C21orf58: variants seen among roughly 807,000 people sequenced by gnomAD.
C21orf58 encodes the protein chromosome 21 open reading frame 58.
Under a neutral mutation model 35.8 loss-of-function variants are expected in C21orf58, and 34 were observed. That is an observed-to-expected ratio of 0.95 (90% CI 0.72 to 1.26). The LOEUF is 1.26. Among genes scored for constraint, C21orf58 ranks in the 50% most tolerant of loss-of-function variants. The pLI, the probability that C21orf58 is intolerant of heterozygous loss-of-function variation, is 0.00. For missense variants in C21orf58, 440 were observed against 414.3 expected, an observed-to-expected ratio of 1.06 and a Z score of -0.54; for synonymous variants, 191 against 175.8, an observed-to-expected ratio of 1.09 and a Z score of -0.68.
chr21:46,322,958 G>T lies in C21orf58; in HGVS notation c.-220C>A. 2.6e-6 allele frequency: 1 copy of T among 383,898 alleles called. No homozygotes were observed. Among genetic ancestry groups the T allele is most frequent in the Non-Finnish European group, 4.4e-6 (1 of 225,592 alleles). The allele number at this position is 383,898 out of a possible 1,614,324, so 23.8% of individuals were successfully genotyped here. A position where few individuals can be genotyped will look rare whatever the true frequency, so the allele number is the denominator to read the frequency against. On this transcript the variant is annotated 5_prime_UTR_variant, in exon 1 of 8. Coordinates refer to ENST00000291691, the MANE Select transcript of C21orf58 (RefSeq NM_058180.5). ...CCTCCACGACGAACCTTTTGCAAGTGAAGGCGCACGAACAGGCCCGGAGGA... is the reference window on the plus strand; with the variant it reads ...CCTCCACGACGAACCTTTTGCAAGTTAAGGCGCACGAACAGGCCCGGAGGA...
intron 1 of C21orf58, among the ~76,000 whole-genome samples, chr21:46,319,793 A>G (rs2083094979): frequency 6.6e-6 from 1 of 152,118 alleles, no homozygotes; most frequent in East Asian, 1.9e-4. Context: ...GCTACTCGGG[A>G]GGCTGAGGCA....
intron 5 of C21orf58, chr21:46,312,870 A>G (rs1203888893): frequency 2.4e-6 from 1 of 421,272 alleles, no homozygotes. Context: ...TTGGTTAATT[A>G]CTGTCCTCCA....
At chr21:46,307,767 G>T (rs898959172) in intron 6 of C21orf58, among the ~76,000 whole-genome samples, 1 of 152,156 alleles carries the variant, frequency 6.6e-6, no homozygotes, top group Non-Finnish European at 1.5e-5. Context: ...CAGCTGTCAG[G>T]TGATTCAGCC....
intron 5 of C21orf58, 87 bp from the exon 6 acceptor site, chr21:46,311,654 TCCAACCAA>T (rs772171877): frequency 6.0e-6 from 4 of 669,088 alleles, no homozygotes; most frequent in East Asian, 6.4e-5. Context: ...CACCCACCCA[TCCAACCAA>T]CCAACCAACC....
At chr21:46,305,473 G>A (rs570734790) in intron 6 of C21orf58, among the ~76,000 whole-genome samples, 94 of 151,924 alleles carry the variant, frequency 6.2e-4, no homozygotes, top group African/African-American at 2.2e-3. Flanking sequence ...GGGACCACAG[G>A]CACATGCCAC....
rs1282522018 is a variant in C21orf58 at position 46,323,821 on chromosome 21, G to T, written c.-1083C>A. 3 of 340,666 alleles carry T rather than the reference G, an allele frequency of 8.8e-6. No homozygotes were observed. Among genetic ancestry groups the T allele is most frequent in the Non-Finnish European group, 1.7e-5 (3 of 177,296 alleles). The allele number at this position is 340,666 out of a possible 1,614,324, so 21.1% of individuals were successfully genotyped here. A position where few individuals can be genotyped will look rare whatever the true frequency, so the allele number is the denominator to read the frequency against. ...GGGAGCCCGGCCCGCTGTCCTGGTGGACACAAAGCCCAGGGGCCGCCCGCG... is the reference window on the plus strand; with the variant it reads ...GGGAGCCCGGCCCGCTGTCCTGGTGTACACAAAGCCCAGGGGCCGCCCGCG... On this transcript the variant is annotated 5_prime_UTR_variant, in exon 1 of 8. Coordinates refer to ENST00000291691, the MANE Select transcript of C21orf58 (RefSeq NM_058180.5).
downstream of C21orf58, chr21:46,300,852 A>C: frequency 1.7e-6 from 2 of 1,168,452 alleles, no homozygotes; most frequent in Non-Finnish European, 2.2e-6. Flanking sequence ...AAACAACATT[A>C]AAAGAGCAAA....
At chr21:46,321,158 CAT>C (rs539295451) in intron 1 of C21orf58, among the ~76,000 whole-genome samples, 27 of 151,592 alleles carry the variant, frequency 1.8e-4, no homozygotes, top group Middle Eastern at 3.4e-3. Context: ...TAGTGTGCTA[CAT>C]ATGTTATATA....
Position 46,311,739 on chromosome 21 carries a change from C to G in C21orf58, c.610-172G>C. On this transcript the variant is annotated intron_variant, in intron 5 of 7. Coordinates refer to ENST00000291691, the MANE Select transcript of C21orf58 (RefSeq NM_058180.5). ...ACCATCCACCCATCCATCCAACCAA[C>G]CATCCACCCACTCATCCATCCACCC... is the stretch of plus-strand genomic sequence containing the variant. 8.9e-6 allele frequency: 4 copies of G among 447,560 alleles called. 1 individual carries two copies. In the South Asian group the frequency reaches 1.4e-4, roughly 16 times the overall value. The allele number at this position is 447,560 out of a possible 1,614,324, so 27.7% of individuals were successfully genotyped here.
intron 4 of C21orf58, chr21:46,315,246 C>G (rs1288183295): frequency 5.0e-6 from 3 of 595,532 alleles, no homozygotes; most frequent in Non-Finnish European, 8.9e-6. Context: ...CTCCAGGCAT[C>G]CCAGAATTTC....
chr21:46,310,546 C>T (rs762493161), intron 6 of C21orf58, among the ~76,000 whole-genome samples: 5 of 150,298 alleles, frequency 3.3e-5, no homozygotes, highest in African/African-American at 4.9e-5. Flanking sequence ...CAGTGGCAAA[C>T]GCCTATAATC....
At chr21:46,317,500 G>A (rs1184567012) in intron 2 of C21orf58, among the ~76,000 whole-genome samples, 3 of 152,230 alleles carry the variant, frequency 2.0e-5, no homozygotes, top group Admixed American at 6.5e-5. Context: ...AGGGGCGGAT[G>A]CTCTGAGTGG....
intron 6 of C21orf58, 110 bp downstream of exon 6, chr21:46,311,346 T>C: frequency 2.1e-6 from 1 of 487,058 alleles, no homozygotes; most frequent in Non-Finnish European, 3.7e-6. Flanking sequence ...ATTATTTTCA[T>C]GTTGAACAGC....
chr21:46,317,456 C>A (rs780129620), intron 2 of C21orf58, 188 bp from the exon 3 acceptor site: 13 of 921,706 alleles, frequency 1.4e-5, no homozygotes, highest in Non-Finnish European at 2.1e-5. Context: ...TAAGCCTGAC[C>A]TCTAGCAAAT....
chr21:46,302,596 G>A lies in C21orf58; in HGVS notation c.722-20C>T, dbSNP rs370541269. On this transcript the variant is annotated intron_variant, in intron 6 of 7. Coordinates refer to ENST00000291691, the MANE Select transcript of C21orf58 (RefSeq NM_058180.5). ...CCATGTCTGCAGGGAAGAAGCAGGG[G>A]GACCCTGAATAAAGTTTCCGTTTTT... The A allele has an allele frequency of 7.4e-5, 118 of 1,592,268 alleles. No individual in the cohort carries two copies. In the African/African-American group the frequency reaches 1.5e-3, roughly 20 times the overall value.
At chr21:46,309,343 T>C (rs567805537) in intron 6 of C21orf58, among the ~76,000 whole-genome samples, 39 of 151,758 alleles carry the variant, frequency 2.6e-4, no homozygotes, top group Middle Eastern at 6.8e-3. Flanking sequence ...GCGCCTGTAA[T>C]CCCAGCTACT....
At chr21:46,306,637 C>A (rs752291264) in intron 6 of C21orf58, among the ~76,000 whole-genome samples, 4 of 152,166 alleles carry the variant, frequency 2.6e-5, no homozygotes, top group Admixed American at 6.5e-5. Flanking sequence ...GCCCAGACTG[C>A]AGTACAGTGG....
rs2082219157 is a variant in C21orf58 at position 46,303,514 on chromosome 21, T to C, written c.722-938A>G. ...GGAGGCAGGCAACCTGAAAGAAAAA[T>C]GGGCAAATTACTTAAATGGACACTT... is the stretch of plus-strand genomic sequence containing the variant. On this transcript the variant is annotated intron_variant, in intron 6 of 7. Coordinates refer to ENST00000291691, the MANE Select transcript of C21orf58 (RefSeq NM_058180.5). Among the ~76,000 whole-genome samples, 3 of 150,368 alleles carry C rather than the reference T, an allele frequency of 2.0e-5. No homozygotes were observed. The South Asian group carries it at 6.4e-4, about 32-fold the overall frequency.
At chr21:46,322,251 C>T (rs1363936118) in intron 1 of C21orf58, 1 of 164,730 alleles carries the variant, frequency 6.1e-6, no homozygotes, top group African/African-American at 2.4e-5. Flanking sequence ...CTCACCACTG[C>T]ACTCTAGCCT....
Sources: gnomAD v4.1 joint callset for allele counts (sites outside exome capture counted in the v4.1 genomes callset) on GRCh38, gnomAD v4.1.1 for gene constraint, MANE v1.5 for transcripts, NCBI Gene and HGNC (gene_info 2026-07-23, HGNC 2026-07-21) for gene names.